The following KIAA0930 variants were observed in gnomAD, a reference collection of about 807,000 sequenced individuals.
KIAA0930 encodes the protein KIAA0930.
Under a neutral mutation model 43.9 loss-of-function variants are expected in KIAA0930, and 24 were observed. The ratio of observed to expected loss-of-function variants is 0.55; its 90% CI spans 0.40 to 0.77. The LOEUF is 0.77. Among genes scored for constraint, KIAA0930 ranks in the 30% least tolerant of loss-of-function variants. KIAA0930 has a pLI of 0.00. For synonymous variants in KIAA0930, 259 were observed against 216.4 expected, an observed-to-expected ratio of 1.20 and a Z score of -1.73; for missense variants, 461 against 574.2, an observed-to-expected ratio of 0.80 and a Z score of 2.02.
chr22:45,198,355 C>A (rs7287577), intron 8 of KIAA0930, among the ~76,000 whole-genome samples: 3 of 152,198 alleles, frequency 2.0e-5, no homozygotes, highest in Non-Finnish European at 4.4e-5. Flanking sequence ...CCCAGTCCTG[C>A]GGTCCAGGCT....
chr22:45,212,668 G>A (rs1338018291), intron 1 of KIAA0930, among the ~76,000 whole-genome samples: 1 of 152,260 alleles, frequency 6.6e-6, no homozygotes, highest in Non-Finnish European at 1.5e-5. Context: ...GCGCAGCTTC[G>A]TGCTCATCTG....
intron 1 of KIAA0930, among the ~76,000 whole-genome samples, chr22:45,223,394 A>G (rs2083778968): frequency 6.6e-6 from 1 of 152,246 alleles, no homozygotes; most frequent in South Asian, 2.1e-4. Context: ...CCAGATGGTC[A>G]GGGTCCATCC....
intron 2 of KIAA0930, among the ~76,000 whole-genome samples, chr22:45,207,317 T>A (rs981519220): frequency 6.9e-6 from 1 of 144,340 alleles, no homozygotes; most frequent in Non-Finnish European, 1.5e-5. Flanking sequence ...GGCCTCAATT[T>A]ATTTCTTATT....
intron 1 of KIAA0930, among the ~76,000 whole-genome samples, chr22:45,233,245 G>A (rs550557346): frequency 1.3e-5 from 2 of 152,284 alleles, no homozygotes; most frequent in South Asian, 4.1e-4. Flanking sequence ...AGATGCCCAG[G>A]TCGGGGGAAG....
At chr22:45,240,012 G>C (rs2083907209) in intron 1 of KIAA0930, among the ~76,000 whole-genome samples, 1 of 151,998 alleles carries the variant, frequency 6.6e-6, no homozygotes, top group African/African-American at 2.4e-5. Context: ...CCCCCCAGCA[G>C]ATCCATGACT....
At chr22:45,219,632 C>T (rs999099339) in intron 1 of KIAA0930, among the ~76,000 whole-genome samples, 32 of 137,994 alleles carry the variant, frequency 2.3e-4, no homozygotes, top group African/African-American at 8.5e-4. Context: ...CTCAGTGTCA[C>T]CCAGGCTGGA....
At chr22:45,209,178 C>G (rs1210764696) in intron 2 of KIAA0930, among the ~76,000 whole-genome samples, 1 of 152,188 alleles carries the variant, frequency 6.6e-6, no homozygotes, top group Non-Finnish European at 1.5e-5. Flanking sequence ...GCAGGAGGCC[C>G]GGCTGGTTGC....
intron 2 of KIAA0930, among the ~76,000 whole-genome samples, chr22:45,211,035 C>T (rs1046456487): frequency 3.3e-5 from 5 of 152,122 alleles, no homozygotes; most frequent in Non-Finnish European, 7.4e-5. Context: ...GCTCAGGGCT[C>T]GGGGCCAGCA....
chr22:45,201,280 GGCGGCAGTCCCCAGGGGCCAGCCCT>G (rs1285184760), intron 7 of KIAA0930, among the ~76,000 whole-genome samples: 1 of 152,248 alleles, frequency 6.6e-6, no homozygotes, highest in Non-Finnish European at 1.5e-5. Flanking sequence ...CAGGCGCACA[GGCGGCAGTCCCCAGGGGCCAGCCCT>G]GCTGCTGACC....
Position 45,213,381 on chromosome 22 carries a change from G to A in KIAA0930, c.65-1274C>T, listed in dbSNP as rs1052906024. ...GGCAGTGAGAGGGAGGAAAAGAGAA[G>A]GAGGCTTCATCGGTGAGGGTCTGGG... On this transcript the variant is annotated intron_variant, in intron 1 of 9. Coordinates refer to ENST00000336156, the MANE Select transcript of KIAA0930 (RefSeq NM_001009880.2). 17 of 1,303,364 alleles carry A rather than the reference G, an allele frequency of 1.3e-5. No homozygotes were observed. The African/African-American group carries it at 1.5e-4, about 12-fold the overall frequency. 80.7% of individuals were successfully genotyped at this position (1,303,364 alleles called of 1,614,324 possible).
intron 2 of KIAA0930, among the ~76,000 whole-genome samples, chr22:45,210,266 C>T (rs547261894): frequency 8.5e-5 from 13 of 152,292 alleles, no homozygotes; most frequent in South Asian, 2.1e-4. Context: ...CCACAGTGGA[C>T]GGAGGCAGGG....
intron 7 of KIAA0930, chr22:45,201,139 G>C (rs1005913582): frequency 2.3e-6 from 1 of 435,570 alleles, no homozygotes; most frequent in Non-Finnish European, 4.6e-6. Flanking sequence ...GGCTCCAGAC[G>C]GTGTTCCCAC....
intron 8 of KIAA0930, among the ~76,000 whole-genome samples, chr22:45,198,330 C>T (rs1341418389): frequency 2.0e-5 from 3 of 152,246 alleles, no homozygotes; most frequent in East Asian, 1.9e-4. Context: ...AAGGCTGAGC[C>T]GACCTGCACC....
chr22:45,212,995 G>A (rs926823017), intron 1 of KIAA0930, among the ~76,000 whole-genome samples: 1 of 152,170 alleles, frequency 6.6e-6, no homozygotes, highest in African/African-American at 2.4e-5. Context: ...ATTAAACCGG[G>A]TCTGCTTTTG....
At chr22:45,210,865 T>G (rs2083687648) in intron 2 of KIAA0930, among the ~76,000 whole-genome samples, 1 of 79,516 alleles carries the variant, frequency 1.3e-5, no homozygotes, top group Non-Finnish European at 2.6e-5. Context: ...CACCCCTCCC[T>G]GGTACCGAAT....
chr22:45,217,361 A>C (rs1375088306), intron 1 of KIAA0930, among the ~76,000 whole-genome samples: 1 of 10,190 alleles, frequency 9.8e-5, no homozygotes, highest in Non-Finnish European at 2.0e-4. Flanking sequence ...ACCCCGTCTC[A>C]AAAAAAAAAA....
chr22:45,197,989 G>T, intron 8 of KIAA0930, 41 bp from the exon 9 acceptor site: 1 of 1,604,986 alleles, frequency 6.2e-7, no homozygotes, highest in Non-Finnish European at 8.5e-7. Flanking sequence ...CACAGCATGG[G>T]ACGCGGCGGG....
At chr22:45,201,099 C>T (rs969161576) in intron 7 of KIAA0930, 3 of 455,784 alleles carry the variant, frequency 6.6e-6, no homozygotes, top group African/African-American at 4.0e-5. Context: ...GTCACGGCTC[C>T]GACATCCACC....
chr22:45,209,084 C>T (rs1299171684), intron 2 of KIAA0930, among the ~76,000 whole-genome samples: 1 of 152,232 alleles, frequency 6.6e-6, no homozygotes, highest in African/African-American at 2.4e-5. Context: ...GGGGATGTCC[C>T]TTGGGCCCTG....
Sources: gnomAD v4.1 joint callset for allele counts (sites outside exome capture counted in the v4.1 genomes callset) on GRCh38, gnomAD v4.1.1 for gene constraint, MANE v1.5 for transcripts, NCBI Gene and HGNC (gene_info 2026-07-23, HGNC 2026-07-21) for gene names.